Variants in LRP1B observed in about 807,000 individuals in gnomAD.
LRP1B encodes the protein LDL receptor related protein 1B.
A neutral mutation model predicts 556.6 loss-of-function variants in LRP1B; 217 were observed. The ratio of observed to expected loss-of-function variants is 0.39; its 90% CI spans 0.35 to 0.44. The LOEUF is 0.44. Ranked by LOEUF, LRP1B falls within the 20% of genes least tolerant of loss-of-function variation. The pLI, the probability that LRP1B is intolerant of heterozygous loss-of-function variation, is 1.00. For synonymous variants in LRP1B, 2,047 were observed against 1,865.8 expected, an observed-to-expected ratio of 1.10 and a Z score of -2.50; for missense variants, 5,053 against 5,620.8, an observed-to-expected ratio of 0.90 and a Z score of 3.23.
At chr2:141,400,060 C>G (rs1279545235) in intron 3 of LRP1B, among the ~76,000 whole-genome samples, 1 of 152,050 alleles carries the variant, frequency 6.6e-6, no homozygotes, top group Non-Finnish European at 1.5e-5. Context: ...ATCACGTCTC[C>G]CGGCAGCTTC....
intron 7 of LRP1B, among the ~76,000 whole-genome samples, chr2:141,070,986 T>G (rs1299433333): frequency 6.6e-6 from 1 of 152,044 alleles, no homozygotes; most frequent in Non-Finnish European, 1.5e-5. Context: ...AAAGAGGGAA[T>G]CCTCCCTAAC....
At chr2:141,697,998 A>C (rs2105456764) in intron 2 of LRP1B, among the ~76,000 whole-genome samples, 1 of 152,076 alleles carries the variant, frequency 6.6e-6, no homozygotes, top group South Asian at 2.1e-4. Context: ...AGTATTAAAT[A>C]CGGTGAGGAG....
chr2:140,745,699 C>T (rs1017800422), intron 35 of LRP1B, among the ~76,000 whole-genome samples: 2 of 152,136 alleles, frequency 1.3e-5, no homozygotes, highest in Admixed American at 1.3e-4. Context: ...GCCCCACTGC[C>T]TGATCTTTCT....
chr2:140,790,651 C>T (rs1167048871), intron 32 of LRP1B, among the ~76,000 whole-genome samples: 3 of 152,082 alleles, frequency 2.0e-5, no homozygotes, highest in Admixed American at 2.0e-4. Flanking sequence ...TAGTGAGGCC[C>T]GTCTGGAAGA....
intron 6 of LRP1B, among the ~76,000 whole-genome samples, chr2:141,223,090 T>G (rs1683108076): frequency 6.6e-6 from 1 of 152,202 alleles, no homozygotes; most frequent in East Asian, 1.9e-4. Context: ...AGAGAGGAAG[T>G]TGAGTTGTCT....
chr2:140,591,134 A>G (rs1333221731), intron 43 of LRP1B, among the ~76,000 whole-genome samples: 1 of 152,230 alleles, frequency 6.6e-6, no homozygotes, highest in Non-Finnish European at 1.5e-5. Flanking sequence ...ACTGAAATCA[A>G]TATTGGACCT....
intron 18 of LRP1B, among the ~76,000 whole-genome samples, chr2:140,965,801 A>G (rs9973866): frequency 0.96 from 141,774 of 148,022 alleles, 68,202 homozygotes; most frequent in Non-Finnish European, 1. Flanking sequence ...GAGAACATGC[A>G]GTGTTTTTTT....
intron 2 of LRP1B, among the ~76,000 whole-genome samples, chr2:141,583,041 T>G (rs991336131): frequency 1.3e-5 from 2 of 151,958 alleles, no homozygotes; most frequent in African/African-American, 4.8e-5. Context: ...TTTCACCGTG[T>G]TAGCCAGGAT....
Position 141,496,315 on chromosome 2 carries a change from C to A in LRP1B, c.206-15782G>T, listed in dbSNP as rs565663260. On this transcript the variant is annotated intron_variant, in intron 2 of 90. Coordinates refer to ENST00000389484, the MANE Select transcript of LRP1B (RefSeq NM_018557.3). The stretch of plus-strand genomic sequence containing the variant: ...CAAACTTTAATGTACATCTGAATCA[C>A]CTAGAGGTCTTAAAGTGCCGATTAT... Among the ~76,000 whole-genome samples the A allele has an allele frequency of 3.3e-5, 5 of 151,922 alleles. No homozygotes were observed. In the South Asian group the frequency reaches 1.0e-3, roughly 32 times the overall value.
At chr2:141,364,067 G>C (rs1196210223) in intron 3 of LRP1B, among the ~76,000 whole-genome samples, 1 of 151,942 alleles carries the variant, frequency 6.6e-6, no homozygotes, top group Non-Finnish European at 1.5e-5. Flanking sequence ...TCCTTATCTT[G>C]ATACAAACTC....
chr2:142,077,486 T>C (rs1439218465), intron 1 of LRP1B, among the ~76,000 whole-genome samples: 2 of 152,244 alleles, frequency 1.3e-5, no homozygotes, highest in South Asian at 2.1e-4. Context: ...ATTTCACTTG[T>C]ATATGCAGAG....
chr2:141,370,996 CTTTT>C (rs1350616502), intron 3 of LRP1B, among the ~76,000 whole-genome samples: 1 of 151,874 alleles, frequency 6.6e-6, no homozygotes, highest in African/African-American at 2.4e-5. Context: ...TCTTTTCTTT[CTTTT>C]GAGATGGAGT....
At chr2:141,649,288 A>T (rs78699073) in intron 2 of LRP1B, among the ~76,000 whole-genome samples, 236 of 152,332 alleles carry the variant, frequency 1.5e-3, no homozygotes, top group Non-Finnish European at 2.8e-3. Flanking sequence ...ATGAAGCAGC[A>T]GAAGGCATCA....
intron 1 of LRP1B, among the ~76,000 whole-genome samples, chr2:141,927,905 A>AG (rs1427687431): frequency 7.4e-6 from 1 of 135,368 alleles, no homozygotes; most frequent in Non-Finnish European, 1.5e-5. Flanking sequence ...TGGCTTTACA[A>AG]AAAAAAAAAA....
intron 1 of LRP1B, among the ~76,000 whole-genome samples, chr2:142,048,009 C>T (rs1010069432): frequency 2.0e-5 from 3 of 151,936 alleles, no homozygotes; most frequent in East Asian, 3.9e-4. Context: ...AGCGTATTAC[C>T]GTCTATTACT....
chr2:140,395,725 C>G (rs1684218713), intron 66 of LRP1B, among the ~76,000 whole-genome samples: 1 of 152,188 alleles, frequency 6.6e-6, no homozygotes, highest in Non-Finnish European at 1.5e-5. Context: ...CTATAATAAG[C>G]TAGCTTTGTA....
At chr2:141,827,981 G>A (rs1370804991) in intron 1 of LRP1B, among the ~76,000 whole-genome samples, 1 of 151,586 alleles carries the variant, frequency 6.6e-6, no homozygotes, top group Non-Finnish European at 1.5e-5. Context: ...ACAGAAGACT[G>A]CCACTTCAAC....
intron 72 of LRP1B, 33 bp from the exon 73 acceptor site, chr2:140,358,979 C>CT: frequency 7.5e-6 from 12 of 1,595,154 alleles, no homozygotes; most frequent in Non-Finnish European, 1.0e-5. Flanking sequence ...AAAGAAGCTC[C>CT]TTCGAGTACA....
intron 43 of LRP1B, among the ~76,000 whole-genome samples, chr2:140,580,131 A>G (rs1000681613): frequency 2.0e-5 from 3 of 152,192 alleles, no homozygotes; most frequent in African/African-American, 7.2e-5. Context: ...GGTGGTATCA[A>G]TAAAGAGCTA....
Sources: allele counts gnomAD v4.1 joint callset (sites outside exome capture counted in the v4.1 genomes callset), GRCh38; gene constraint gnomAD v4.1.1; transcripts MANE v1.5; gene names NCBI Gene and HGNC (gene_info 2026-07-23, HGNC 2026-07-21).